SLC3A1: variants seen among roughly 807,000 people sequenced by gnomAD.
The protein encoded by SLC3A1 is amino acid transporter heavy chain SLC3A1.
A neutral mutation model predicts 60.3 loss-of-function variants in SLC3A1; 78 were observed. The ratio of observed to expected loss-of-function variants is 1.29; its 90% CI spans 1.08 to 1.56. SLC3A1 has a LOEUF of 1.56. SLC3A1 is among the 40% of genes most tolerant of loss of function. The pLI, the probability that SLC3A1 is intolerant of heterozygous loss-of-function variation, is 0.00. For synonymous variants in SLC3A1, 392 were observed against 307.9 expected, an observed-to-expected ratio of 1.27 and a Z score of -2.86; for missense variants, 1,172 against 858.9, an observed-to-expected ratio of 1.36 and a Z score of -4.56.
intron 5 of SLC3A1, 126 bp from the exon 6 acceptor site, chr2:44,300,877 A>T: frequency 1.9e-6 from 2 of 1,041,396 alleles, no homozygotes; most frequent in Non-Finnish European, 3.0e-6. Flanking sequence ...CATCCACAAA[A>T]CCATGTTTGA....
At chr2:44,286,364 G>T (rs1671611810) in intron 4 of SLC3A1, among the ~76,000 whole-genome samples, 1 of 152,180 alleles carries the variant, frequency 6.6e-6, no homozygotes, top group Non-Finnish European at 1.5e-5. Flanking sequence ...TAAGCTCTCT[G>T]GTGCAAATGT....
At chr2:44,305,455 G>A (rs1190330235) in intron 7 of SLC3A1, among the ~76,000 whole-genome samples, 1 of 136,712 alleles carries the variant, frequency 7.3e-6, no homozygotes, top group East Asian at 2.1e-4. Flanking sequence ...TTGAGACGGA[G>A]CCTCCCTCTG....
intron 7 of SLC3A1, among the ~76,000 whole-genome samples, chr2:44,311,385 A>G (rs931640553): frequency 9.9e-5 from 15 of 152,284 alleles, no homozygotes; most frequent in African/African-American, 3.1e-4. Context: ...TTCCTAAGCA[A>G]TATTTGCTAT....
At chr2:44,298,483 A>G (rs1046709886) in intron 4 of SLC3A1, among the ~76,000 whole-genome samples, 8 of 152,082 alleles carry the variant, frequency 5.3e-5, no homozygotes, top group African/African-American at 1.4e-4. Context: ...GGTTCAAGCA[A>G]TTCTCATGCT....
intron 3 of SLC3A1, among the ~76,000 whole-genome samples, chr2:44,282,891 C>T (rs1671532033): frequency 6.6e-6 from 1 of 152,118 alleles, no homozygotes; most frequent in African/African-American, 2.4e-5. Context: ...CTCCTGGGCT[C>T]AAGTGATCCT....
chr2:44,291,729 C>T (rs758534400), intron 4 of SLC3A1, among the ~76,000 whole-genome samples: 8 of 152,072 alleles, frequency 5.3e-5, no homozygotes, highest in Non-Finnish European at 1.0e-4. Flanking sequence ...GTGGAGGCGG[C>T]GTTTGGAATG....
intron 4 of SLC3A1, among the ~76,000 whole-genome samples, chr2:44,293,783 C>T (rs374117707): frequency 4.6e-5 from 7 of 152,222 alleles, no homozygotes; most frequent in African/African-American, 1.4e-4. Context: ...TAAGTCAGGG[C>T]GCCGTACAGT....
At chr2:44,306,998 T>C (rs775228925) in intron 7 of SLC3A1, among the ~76,000 whole-genome samples, 1 of 152,200 alleles carries the variant, frequency 6.6e-6, no homozygotes, top group Admixed American at 6.5e-5. Flanking sequence ...TAACTGCGCA[T>C]GGCCCCTCCC....
At chr2:44,303,729 T>C in intron 6 of SLC3A1, 1 of 329,854 alleles carries the variant, frequency 3.0e-6, no homozygotes. Flanking sequence ...ATCCTTCCCT[T>C]AGCCCCCCAC....
intron 4 of SLC3A1, among the ~76,000 whole-genome samples, chr2:44,288,947 G>A (rs1012073669): frequency 6.6e-6 from 1 of 151,250 alleles, no homozygotes; most frequent in African/African-American, 2.4e-5. Flanking sequence ...TGATTCTTGC[G>A]CCTCAGCTTC....
chr2:44,300,844 G>C (rs1177514819), intron 5 of SLC3A1, among the ~76,000 whole-genome samples, 159 bp from the exon 6 acceptor site: 1 of 152,156 alleles, frequency 6.6e-6, no homozygotes, highest in East Asian at 1.9e-4. Context: ...AACAACTTGA[G>C]CATCAAATGA....
At chr2:44,292,177 C>T (rs1671754336) in intron 4 of SLC3A1, among the ~76,000 whole-genome samples, 1 of 152,020 alleles carries the variant, frequency 6.6e-6, no homozygotes, top group South Asian at 2.1e-4. Context: ...AGTGATCCTA[C>T]ACCTGCCATA....
Position 44,275,710 on chromosome 2 carries a change from T to G in SLC3A1, c.175T>G (p.Phe59Val), listed in dbSNP as rs1388410305. The change falls in exon 1 of 10, where the codon TTC becomes GTC. Residue 59 changes from phenylalanine (F) to valine (V), a missense_variant. Phe to Val is a conservative substitution (Grantham distance 50, BLOSUM62 -1). Transcript: ENST00000260649. ...RGILGSQEPD[F>V]KGVQPYAGMP... ...CATCCTTGGCTCCCAGGAGCCCGAC[T>G]TCAAGGGCGTCCAGCCCTATGCGGG... The G allele has an allele frequency of 1.2e-6, 2 of 1,614,040 alleles. No homozygotes were observed. The highest frequency in any genetic ancestry group is 3.3e-5 in the Admixed American group (2 of 59,998).
chr2:44,303,302 G>A lies in SLC3A1; in HGVS notation c.1137-841G>A, dbSNP rs893374099. 5.4e-5 allele frequency among the ~76,000 whole-genome samples: 8 copies of A among 148,200 alleles called. 1 individual carries two copies. The highest frequency in any genetic ancestry group is 2.0e-4 in the African/African-American group (8 of 39,962). On this transcript the variant is annotated intron_variant, in intron 6 of 9. Coordinates refer to ENST00000260649, the MANE Select transcript of SLC3A1 (RefSeq NM_000341.4). ...TTTGTTGCCCAGGCTGGAGTGTGGT[G>A]GCATGATCTCATCTCACTGCAACCT... is the stretch of plus-strand genomic sequence containing the variant.
downstream of SLC3A1, chr2:44,321,669 G>A (rs1672963228): frequency 1.3e-6 from 2 of 1,536,116 alleles, no homozygotes; most frequent in African/African-American, 1.4e-5. Context: ...CATTTCTCTT[G>A]ATTGACACAG....
At chr2:44,295,023 C>A (rs1389536142) in intron 4 of SLC3A1, among the ~76,000 whole-genome samples, 6 of 152,138 alleles carry the variant, frequency 3.9e-5, no homozygotes, top group African/African-American at 1.4e-4. Flanking sequence ...GGATTACAGG[C>A]ATGAGCCACC....
At position 44,304,190 on chromosome 2, in the gene SLC3A1, T is replaced by G; in HGVS notation, c.1184T>G (p.Met395Arg). 6.2e-7 allele frequency: 1 copy of G among 1,614,156 alleles called. No homozygotes were observed. Among genetic ancestry groups the G allele is most frequent in the Non-Finnish European group, 8.5e-7 (1 of 1,179,996 alleles). The change falls in exon 7 of 10, where the codon ATG becomes AGG. Residue 395 changes from methionine (M) to arginine (R), a missense_variant. Met to Arg is a moderately conservative substitution (Grantham distance 91). Transcript: ENST00000260649. ...AYAESIDRTV[M>R]YYGLPFIQEA... ...GCAGAGAGTATTGACAGGACCGTGA[T>G]GTACTATGGATTGCCATTTATCCAA... is the stretch of plus-strand genomic sequence containing the variant.
intron 4 of SLC3A1, among the ~76,000 whole-genome samples, chr2:44,289,606 G>A (rs965910870): frequency 4.6e-5 from 7 of 151,618 alleles, no homozygotes; most frequent in African/African-American, 9.7e-5. Context: ...AAGCACAAGC[G>A]TTTTTAATTT....
intron 7 of SLC3A1, among the ~76,000 whole-genome samples, chr2:44,305,954 C>T (rs2104373232): frequency 6.6e-6 from 1 of 152,280 alleles, no homozygotes; most frequent in South Asian, 2.1e-4. Context: ...TTAAAGTCCA[C>T]ACAATTCCAC....
Sources: allele counts gnomAD v4.1 joint callset (sites outside exome capture counted in the v4.1 genomes callset), GRCh38; gene constraint gnomAD v4.1.1; transcripts MANE v1.5; gene names NCBI Gene and HGNC (gene_info 2026-07-23, HGNC 2026-07-21).